Variants in GRB2 observed in about 807,000 individuals in gnomAD.
GRB2 encodes the protein growth factor receptor-bound protein 2.
A neutral mutation model predicts 27.4 loss-of-function variants in GRB2; 2 were observed. The ratio of observed to expected loss-of-function variants is 0.07; its 90% confidence interval spans 0.03 to 0.23. The LOEUF (loss-of-function observed/expected upper bound fraction) is 0.23, where lower values mean the gene tolerates loss of function less well. GRB2 is among the 10% of genes least tolerant of loss of function. The pLI, the probability that GRB2 is intolerant of heterozygous loss-of-function variation, is 1.00. For synonymous variants in GRB2, 94 were observed against 99.6 expected (o/e 0.94, Z 0.33); for missense variants, 102 against 282.4 (o/e 0.36, Z 4.58).
At chr17:75,330,625 G>A (rs2078533948) in intron 3 of GRB2, among the ~76,000 whole-genome samples, 1 of 151,690 alleles carries the variant, frequency 6.6e-6, no homozygotes, top group Admixed American at 6.6e-5. Context: ...AGTGAGCTGA[G>A]ATAGCACCAC....
chr17:75,403,476 T>G (rs913609268), intron 1 of GRB2, among the ~76,000 whole-genome samples: 7 of 152,046 alleles, frequency 4.6e-5, no homozygotes, highest in African/African-American at 1.7e-4. Flanking sequence ...CCTCAAACAT[T>G]TAAACGTTTG....
Position 75,404,759 on chromosome 17 carries a change from C to T in GRB2, c.-138+730G>A, listed in dbSNP as rs139286552. Reference sequence around the variant, plus strand: ...AGACAGACCTCAAGTGCACTTCAGTCCCCTGCAAACTGCACTTTCACAGCG... The same window carrying T: ...AGACAGACCTCAAGTGCACTTCAGTTCCCTGCAAACTGCACTTTCACAGCG... On this transcript the variant is annotated intron_variant, in intron 1 of 5. Transcript: ENST00000316804. 1,328 of 152,282 alleles carry T rather than the reference C, an allele frequency of 8.7e-3. 24 individuals are homozygous for T. Among genetic ancestry groups the T allele is most frequent in the African/African-American group, 0.031 (1,276 of 41,554 alleles). The allele number at this position is 152,282 out of a possible 1,614,324, so 9.4% of individuals were successfully genotyped here. A position where few individuals can be genotyped will look rare whatever the true frequency, so the allele number is the denominator to read the frequency against.
intron 2 of GRB2, among the ~76,000 whole-genome samples, chr17:75,353,249 C>A (rs978696599): frequency 4.6e-5 from 7 of 151,656 alleles, no homozygotes; most frequent in Non-Finnish European, 1.0e-4. Context: ...AGGACCCCTG[C>A]ATATACCCAA....
rs975991182 is a variant in GRB2, at chr17:75,321,779, C to T, written c.348G>A (p.Gly116=). Residue 116 remains glycine (G), a synonymous_variant, in exon 5 of 6, where the codon GGG becomes GGA. Coordinates refer to ENST00000316804, the MANE Select transcript of GRB2 (RefSeq NM_002086.5). ...QHFKVLRDGA[G]KYFLWVVKFN... is the part of the protein sequence containing the mutation. ...ACTTCACCACCCAGAGGAAGTACTTCCCGGCTCCATCTCGGAGCACCTTGA... is the reference window on the plus strand; with the variant it reads ...ACTTCACCACCCAGAGGAAGTACTTTCCGGCTCCATCTCGGAGCACCTTGA... The T allele has an allele frequency of 6.2e-7, 1 of 1,614,120 alleles. No homozygotes were observed.
At chr17:75,349,252 A>G (rs1346565035) in intron 2 of GRB2, among the ~76,000 whole-genome samples, 2 of 152,310 alleles carry the variant, frequency 1.3e-5, no homozygotes, top group Non-Finnish European at 2.9e-5. Context: ...ATATGTTTCA[A>G]TGATAAATGG....
chr17:75,358,639 C>T (rs949394961), intron 2 of GRB2, among the ~76,000 whole-genome samples: 46 of 122,350 alleles, frequency 3.8e-4, no homozygotes, highest in African/African-American at 1.3e-3. Context: ...CTGAGGCAGG[C>T]GGATCACGAG....
chr17:75,342,674 T>C (rs1360782781), intron 2 of GRB2, among the ~76,000 whole-genome samples: 1 of 152,128 alleles, frequency 6.6e-6, no homozygotes, highest in Non-Finnish European at 1.5e-5. Flanking sequence ...GTAAGAGAAT[T>C]AAACAATCAG....
chr17:75,336,008 G>A (rs912510849), intron 2 of GRB2, among the ~76,000 whole-genome samples: 1 of 152,104 alleles, frequency 6.6e-6, no homozygotes, highest in Non-Finnish European at 1.5e-5. Context: ...GAACCCTGCC[G>A]GGCCACCACC....
At chr17:75,346,162 A>ATTTTTTTT (rs67737628) in intron 2 of GRB2, among the ~76,000 whole-genome samples, 2 of 134,238 alleles carry the variant, frequency 1.5e-5, no homozygotes, top group South Asian at 2.4e-4. Flanking sequence ...TCGGCCACTG[A>ATTTTTTTT]TTTTTTTTTT....
chr17:75,397,458 A>G (rs2079035553), intron 1 of GRB2, among the ~76,000 whole-genome samples: 1 of 152,242 alleles, frequency 6.6e-6, no homozygotes. Flanking sequence ...AGGTAAGTAC[A>G]GCTTTAATCA....
intron 2 of GRB2, among the ~76,000 whole-genome samples, chr17:75,349,651 C>G (rs183017097): frequency 6.6e-6 from 1 of 151,802 alleles, no homozygotes; most frequent in East Asian, 1.9e-4. Context: ...TCCCAAGTAG[C>G]TAGGATTGCA....
intron 2 of GRB2, among the ~76,000 whole-genome samples, chr17:75,346,738 T>A (rs927890920): frequency 3.3e-5 from 5 of 151,626 alleles, no homozygotes; most frequent in Non-Finnish European, 7.4e-5. Context: ...CCTGGCTAAT[T>A]TTTGTATTTT....
chr17:75,322,490 T>C (rs1054555624), intron 4 of GRB2, among the ~76,000 whole-genome samples: 11 of 152,028 alleles, frequency 7.2e-5, no homozygotes, highest in African/African-American at 2.2e-4. Context: ...TAAAATCTTA[T>C]ATGCAGGAAG....
chr17:75,401,652 C>T (rs1341613728), intron 1 of GRB2, among the ~76,000 whole-genome samples: 5 of 152,176 alleles, frequency 3.3e-5, no homozygotes, highest in Non-Finnish European at 7.4e-5. Flanking sequence ...TGTCACTTTC[C>T]ACTTACTAAT....
chr17:75,358,283 TA>T (rs1322372953), intron 2 of GRB2, among the ~76,000 whole-genome samples: 3 of 152,228 alleles, frequency 2.0e-5, no homozygotes, highest in African/African-American at 4.8e-5. Flanking sequence ...AATTGCATTT[TA>T]CCTAAATTGT....
chr17:75,397,432 C>A (rs752485257), intron 1 of GRB2, among the ~76,000 whole-genome samples: 5 of 152,198 alleles, frequency 3.3e-5, no homozygotes, highest in Non-Finnish European at 5.9e-5. Flanking sequence ...CCATCCCAAG[C>A]AGTGAATTTT....
At chr17:75,321,510 A>T in intron 5 of GRB2, 149 bp downstream of exon 5, 1 of 677,032 alleles carries the variant, frequency 1.5e-6, no homozygotes, top group Admixed American at 2.7e-5. Flanking sequence ...AATGGAGGGT[A>T]ACATTTTCAG....
intron 2 of GRB2, among the ~76,000 whole-genome samples, chr17:75,347,686 T>G (rs967926712): frequency 6.6e-6 from 1 of 152,174 alleles, no homozygotes; most frequent in Non-Finnish European, 1.5e-5. Flanking sequence ...CTGCTGAACC[T>G]GGGAACAAGC....
chr17:75,330,418 T>C (rs1309005066), intron 3 of GRB2, among the ~76,000 whole-genome samples: 1 of 147,442 alleles, frequency 6.8e-6, no homozygotes, highest in African/African-American at 2.5e-5. Flanking sequence ...AGATGGGCTT[T>C]GGCAGGGTGC....
Sources: gnomAD v4.1 joint callset for allele counts (sites outside exome capture counted in the v4.1 genomes callset) on GRCh38, gnomAD v4.1.1 for gene constraint, MANE v1.5 for transcripts, NCBI Gene and HGNC (gene_info 2026-07-23, HGNC 2026-07-21) for gene names.